WWOX: variants seen among roughly 807,000 people sequenced by gnomAD.
WWOX encodes WW domain-containing oxidoreductase.
WWOX carries 69 observed loss-of-function variants against 46.2 expected under a neutral mutation model. That is an observed-to-expected ratio of 1.49 (90% CI 1.23 to 1.82). The LOEUF (loss-of-function observed/expected upper bound fraction) is 1.82. Ranked by LOEUF, WWOX falls within the 40% of genes most tolerant of loss-of-function variation. WWOX has a pLI of 0.00. For synonymous variants in WWOX, 359 were observed against 202.6 expected (o/e 1.77, Z -6.56); for missense variants, 919 against 542.6 (o/e 1.69, Z -6.89).
chr16:78,437,296 C>T (rs374923995), intron 8 of WWOX, among the ~76,000 whole-genome samples: 1 of 152,138 alleles, frequency 6.6e-6, no homozygotes, highest in Non-Finnish European at 1.5e-5. Flanking sequence ...TTCATGGAGT[C>T]GGGCTATTTT....
chr16:78,612,093 A>G (rs2045914454), intron 8 of WWOX, among the ~76,000 whole-genome samples: 1 of 152,170 alleles, frequency 6.6e-6, no homozygotes, highest in Non-Finnish European at 1.5e-5. Flanking sequence ...GTGTTGGTAG[A>G]TTGAGATGGA....
chr16:79,095,996 T>G (rs940047985), intron 8 of WWOX, among the ~76,000 whole-genome samples: 1 of 148,496 alleles, frequency 6.7e-6, no homozygotes, highest in Non-Finnish European at 1.5e-5. Flanking sequence ...ACTACAGGCA[T>G]GCGCTGCCAC....
At chr16:79,184,067 T>G (rs1368640005) in intron 8 of WWOX, among the ~76,000 whole-genome samples, 1 of 152,184 alleles carries the variant, frequency 6.6e-6, no homozygotes, top group Non-Finnish European at 1.5e-5. Context: ...GCATGAACAT[T>G]GTCAAAAGGA....
chr16:78,375,711 T>C (rs2081804638), intron 5 of WWOX, among the ~76,000 whole-genome samples: 1 of 152,110 alleles, frequency 6.6e-6, no homozygotes, highest in Admixed American at 6.5e-5. Flanking sequence ...CTTCCAGGAA[T>C]TCATCTTAAA....
intron 8 of WWOX, among the ~76,000 whole-genome samples, chr16:79,084,009 G>A (rs1304157098): frequency 6.6e-6 from 1 of 152,164 alleles, no homozygotes; most frequent in Non-Finnish European, 1.5e-5. Context: ...GGCTGTTTTG[G>A]TTAACCACTC....
At chr16:78,845,339 G>C (rs974173978) in intron 8 of WWOX, among the ~76,000 whole-genome samples, 1 of 152,036 alleles carries the variant, frequency 6.6e-6, no homozygotes, top group African/African-American at 2.4e-5. Context: ...CTATCTGTCT[G>C]CATGTAGAAA....
chr16:79,157,150 G>A (rs1053049368), intron 8 of WWOX, among the ~76,000 whole-genome samples: 2 of 152,196 alleles, frequency 1.3e-5, no homozygotes, highest in African/African-American at 2.4e-5. Context: ...GCAAAGCAGG[G>A]AGAAGAGAAA....
chr16:78,330,293 G>C (rs1033094616), intron 5 of WWOX, among the ~76,000 whole-genome samples: 1 of 151,958 alleles, frequency 6.6e-6, no homozygotes, highest in Admixed American at 6.6e-5. Context: ...ATTTTGTTAC[G>C]TATATTTTAC....
chr16:78,492,480 T>G (rs747405032), intron 8 of WWOX, among the ~76,000 whole-genome samples: 1 of 152,122 alleles, frequency 6.6e-6, no homozygotes, highest in Non-Finnish European at 1.5e-5. Context: ...TTGGACTGTT[T>G]GCATGTAACG....
At chr16:79,186,169 G>C (rs1181587590) in intron 8 of WWOX, among the ~76,000 whole-genome samples, 2 of 152,086 alleles carry the variant, frequency 1.3e-5, no homozygotes, top group Non-Finnish European at 2.9e-5. Flanking sequence ...GACTTATTTG[G>C]GGTGGCTGAG....
intron 8 of WWOX, among the ~76,000 whole-genome samples, chr16:78,485,828 C>T (rs1363745766): frequency 3.9e-5 from 6 of 152,190 alleles, no homozygotes; most frequent in South Asian, 2.1e-4. Flanking sequence ...ACCGCCACTC[C>T]TGGATGCACT....
chr16:78,734,145 G>A (rs1030301350), intron 8 of WWOX, among the ~76,000 whole-genome samples: 1 of 152,104 alleles, frequency 6.6e-6, no homozygotes, highest in East Asian at 1.9e-4. Flanking sequence ...TAAAGCAAAA[G>A]AGTAGTATTA....
intron 8 of WWOX, among the ~76,000 whole-genome samples, chr16:78,710,205 A>C (rs1324520950): frequency 1.3e-5 from 2 of 151,872 alleles, no homozygotes; most frequent in African/African-American, 2.4e-5. Flanking sequence ...CAAATCACCC[A>C]GTGGCGTGCA....
chr16:78,462,043 T>C (rs1409209300), intron 8 of WWOX, among the ~76,000 whole-genome samples: 2 of 152,206 alleles, frequency 1.3e-5, no homozygotes, highest in African/African-American at 4.8e-5. Flanking sequence ...TTAGTACCTT[T>C]TTACATATGC....
chr16:79,009,826 C>T (rs1417846979), intron 8 of WWOX, among the ~76,000 whole-genome samples: 4 of 152,124 alleles, frequency 2.6e-5, no homozygotes, highest in Non-Finnish European at 2.9e-5. Context: ...ACACACAAGA[C>T]TGTACCTATC....
intron 8 of WWOX, among the ~76,000 whole-genome samples, chr16:78,823,368 C>T (rs1268876647): frequency 6.6e-6 from 1 of 152,170 alleles, no homozygotes; most frequent in Non-Finnish European, 1.5e-5. Flanking sequence ...GACAGACTCC[C>T]ACCCCATCCC....
At chr16:78,983,668 G>T (rs1293417177) in intron 8 of WWOX, among the ~76,000 whole-genome samples, 1 of 152,096 alleles carries the variant, frequency 6.6e-6, no homozygotes, top group Admixed American at 6.5e-5. Context: ...TCGGCTGCAG[G>T]ATGAAACTAG....
At chr16:78,567,054 C>T (rs1597278626) in intron 8 of WWOX, among the ~76,000 whole-genome samples, 1 of 152,196 alleles carries the variant, frequency 6.6e-6, no homozygotes, top group Non-Finnish European at 1.5e-5. Context: ...TTTGTTAATC[C>T]CACCCTAAGT....
chr16:79,008,571 C>T (rs1566881), intron 8 of WWOX, among the ~76,000 whole-genome samples: 3 of 152,170 alleles, frequency 2.0e-5, no homozygotes, highest in African/African-American at 7.2e-5. Context: ...GTGAAATCCC[C>T]ATTTCACAGA....
Sources: allele counts gnomAD v4.1 joint callset (sites outside exome capture counted in the v4.1 genomes callset), GRCh38; gene constraint gnomAD v4.1.1; transcripts MANE v1.5; gene names NCBI Gene and HGNC (gene_info 2026-07-23, HGNC 2026-07-21).